The following CFAP43 variants were observed in gnomAD, a reference collection of about 807,000 sequenced individuals.
The protein encoded by CFAP43 is cilia and flagella associated protein 43.
In CFAP43, 155 loss-of-function variants were observed where a neutral mutation model predicts 218.9. The ratio of observed to expected loss-of-function variants is 0.71; its 90% CI spans 0.62 to 0.81. The LOEUF is 0.81. CFAP43 is among the 30% of genes least tolerant of loss of function. The probability of loss-of-function intolerance (pLI) is 0.00; values close to 1 mark genes in which losing one functional copy is unlikely to be tolerated. For synonymous variants in CFAP43, 645 were observed against 681.3 expected (o/e 0.95, Z 0.83); for missense variants, 1,778 against 1,954.3 (o/e 0.91, Z 1.70).
chr10:104,179,772 T>A (rs762503176), intron 18 of CFAP43, 68 bp downstream of exon 18: 1 of 1,198,674 alleles, frequency 8.3e-7, no homozygotes, highest in African/African-American at 1.5e-5. Context: ...TAGGTTTCCA[T>A]AGGAAACTAA....
intron 20 of CFAP43, among the ~76,000 whole-genome samples, chr10:104,170,154 G>A (rs2089347749): frequency 6.6e-6 from 1 of 151,720 alleles, no homozygotes; most frequent in Non-Finnish European, 1.5e-5. Context: ...GGCCACTGTT[G>A]TACCTAATCT....
intron 19 of CFAP43, among the ~76,000 whole-genome samples, chr10:104,176,456 C>T (rs1041095830): frequency 4.6e-5 from 7 of 152,060 alleles, no homozygotes; most frequent in African/African-American, 1.7e-4. Flanking sequence ...TGGATCATGC[C>T]ATAGTTTTAA....
chr10:104,150,294 C>T (rs1476922515), intron 28 of CFAP43, among the ~76,000 whole-genome samples: 1 of 152,126 alleles, frequency 6.6e-6, no homozygotes, highest in Non-Finnish European at 1.5e-5. Context: ...ATCCATACAT[C>T]CACTCCCTGC....
At chr10:104,170,829 G>T (rs2089377786) in intron 20 of CFAP43, among the ~76,000 whole-genome samples, 1 of 151,958 alleles carries the variant, frequency 6.6e-6, no homozygotes, top group Admixed American at 6.6e-5. Flanking sequence ...ATTCTTTACC[G>T]CAATATACAA....
Position 104,152,467 on chromosome 10 carries a change from C to T in CFAP43, c.3660+140G>A, listed in dbSNP as rs184484975. 1.5e-5 allele frequency: 18 copies of T among 1,174,184 alleles called. No individual in the cohort carries two copies. In the Admixed American group the frequency reaches 4.2e-4, roughly 27 times the overall value. 72.7% of individuals were successfully genotyped at this position (1,174,184 alleles called of 1,614,324 possible). On this transcript the variant is annotated intron_variant, in intron 28 of 37. Coordinates refer to ENST00000357060, the MANE Select transcript of CFAP43 (RefSeq NM_025145.7). ...TGTGGCAGGTAAAGGGGAAGGTGCA[C>T]AAGATGAGACTGGAGAGGGACGCAG...
rs1363585851 is a variant in CFAP43, at chr10:104,168,724, C to T, written c.2691+20G>A. 2 of 1,583,380 alleles carry T rather than the reference C, an allele frequency of 1.3e-6. No individual in the cohort carries two copies. The highest frequency in any genetic ancestry group is 1.7e-6 in the Non-Finnish European group (2 of 1,152,826). On this transcript the variant is annotated intron_variant, in intron 21 of 37. Transcript: ENST00000357060. ...ATGACAATTCTCATCAGGTTTTGTA[C>T]CTAGGGTTCTATCTGTTACCTTAAG... is the stretch of plus-strand genomic sequence containing the variant.
chr10:104,143,448 G>A lies in CFAP43; in HGVS notation c.4136C>T (p.Ala1379Val). ...VWNHFCMTRR[A>V]KVENEQKVKQ... Reference sequence around the variant, plus strand: ...TACTTTCTGTTCATTTTCCACTTTTGCTCGTCTTGTCATGCAGAAATGATT... The same window carrying A: ...TACTTTCTGTTCATTTTCCACTTTTACTCGTCTTGTCATGCAGAAATGATT... The change falls in exon 32 of 38, where the codon GCA (alanine) becomes GTA (valine). Residue 1379 changes from alanine to valine, a missense_variant. This residue lies in a region of CFAP43 where 1,553 missense variants were observed against 1,685.2 expected (regional missense o/e 0.92). Transcript: ENST00000357060. 2 of 1,613,944 alleles carry A rather than the reference G, an allele frequency of 1.2e-6. No individual in the cohort carries two copies. Among genetic ancestry groups the A allele is most frequent in the Non-Finnish European group, 1.7e-6 (2 of 1,179,982 alleles).
chr10:104,180,734 C>T (rs534152594), intron 17 of CFAP43, among the ~76,000 whole-genome samples: 2 of 152,090 alleles, frequency 1.3e-5, no homozygotes, highest in Non-Finnish European at 2.9e-5. Flanking sequence ...TGTGTGCCAA[C>T]CACCGTCCCC....
At chr10:104,220,949 CGTGTGTGTGTGTGTGTGTGTGTGTGTGT>C (rs68093596) in intron 3 of CFAP43, among the ~76,000 whole-genome samples, 3 of 143,580 alleles carry the variant, frequency 2.1e-5, no homozygotes, top group South Asian at 2.2e-4. Flanking sequence ...TATGAGTGAG[CGTGTGTGTGTGTGTGTGTGTGTGTGTGT>C]GTGTGTGTGT....
chr10:104,183,510 C>T (rs2089925399), intron 16 of CFAP43, among the ~76,000 whole-genome samples: 2 of 152,002 alleles, frequency 1.3e-5, no homozygotes, highest in South Asian at 2.1e-4. Flanking sequence ...CTGCCTCAGC[C>T]TCCCGAGTAG....
Position 104,212,080 on chromosome 10 carries a change from T to C in CFAP43, c.662A>G (p.Asp221Gly). The change falls in exon 5 of 38, where the codon GAT (aspartate) becomes GGT (glycine). Residue 221 changes from aspartate (D) to glycine (G), a missense_variant. Physicochemically the swap from Asp to Gly is moderately conservative, Grantham distance 94. This residue lies in a region of CFAP43 where 1,553 missense variants were observed against 1,685.2 expected (regional missense o/e 0.92). Transcript: ENST00000357060. Reference protein sequence around the residue: ...DVVFPQSLPKDLIYGPVLPLS... With the variant: ...DVVFPQSLPKGLIYGPVLPLS... ...TGGCAGCACGGGACCATAGATGAGA[T>C]CTTTCGGCAACGACTGGGGGAAAAC... 6.2e-7 allele frequency: 1 copy of C among 1,613,930 alleles called. No individual in the cohort carries two copies. The highest frequency in any genetic ancestry group is 2.2e-5 in the East Asian group (1 of 44,860).
Position 104,232,345 on chromosome 10 carries a change from G to C in CFAP43, c.-99C>G. ...CCGCGGGGCTGCGGGCCGCGACGCC[G>C]CTGCTGTGTACACCCGTATCCCGGA... On this transcript the variant is annotated 5_prime_UTR_variant, in exon 1 of 38. Coordinates refer to ENST00000357060, the MANE Select transcript of CFAP43 (RefSeq NM_025145.7). 8.0e-7 allele frequency: 1 copy of C among 1,251,316 alleles called. No homozygotes were observed. 77.5% of individuals were successfully genotyped at this position (1,251,316 alleles called of 1,614,324 possible).
chr10:104,205,403 A>G (rs2090657577), intron 7 of CFAP43, among the ~76,000 whole-genome samples: 1 of 152,098 alleles, frequency 6.6e-6, no homozygotes, highest in Non-Finnish European at 1.5e-5. Flanking sequence ...CCTTGTCTGT[A>G]AAAGGAGGAT....
chr10:104,170,300 A>ATGAATT (rs1203077031), intron 20 of CFAP43, among the ~76,000 whole-genome samples: 1 of 152,104 alleles, frequency 6.6e-6, no homozygotes, highest in Non-Finnish European at 1.5e-5. Flanking sequence ...AGGGATGAGC[A>ATGAATT]TGAATTTGGT....
Position 104,167,406 on chromosome 10 carries a change from C to T in CFAP43, c.2808+215G>A, listed in dbSNP as rs76021574. The stretch of plus-strand genomic sequence containing the variant: ...TAAGGTATATCCTCATATTTGAGGG[C>T]TAGCCAGTGTTGTATAGGATACAGG... On this transcript the variant is annotated intron_variant, in intron 22 of 37. Coordinates refer to ENST00000357060, the MANE Select transcript of CFAP43 (RefSeq NM_025145.7). Among the ~76,000 whole-genome samples, 68 of 152,204 alleles carry T rather than the reference C, an allele frequency of 4.5e-4. No individual in the cohort carries two copies. The East Asian group carries it at 0.013, about 29-fold the overall frequency.
intron 19 of CFAP43, among the ~76,000 whole-genome samples, chr10:104,174,304 TTGG>T (rs1223073519): frequency 6.6e-6 from 1 of 152,228 alleles, no homozygotes; most frequent in African/African-American, 2.4e-5. Flanking sequence ...TTCCACATGG[TTGG>T]TGAAGCCTCA....
Position 104,193,961 on chromosome 10 carries a change from C to T in CFAP43, c.1347G>A (p.Glu449=). The change falls in exon 11 of 38, where the codon GAG becomes GAA. Residue 449 remains glutamate (E), a synonymous_variant. Transcript: ENST00000357060. ...PSSLSAAVGT[E]DGSVYFISVY... is the part of the protein sequence containing the mutation. ...CGCTGATGAAGTAGACCGAGCCATC[C>T]TCCGTGCCCACGGCTGCAGAGAGGG... 6.2e-7 allele frequency: 1 copy of T among 1,614,066 alleles called. No homozygotes were observed. The highest frequency in any genetic ancestry group is 8.5e-7 in the Non-Finnish European group (1 of 1,180,028).
rs7918091 is a variant in CFAP43 at position 104,155,861 on chromosome 10, C to T, written c.3541-3135G>A. ...AGTAAGGAAATCAGTGGAACTGGAA[C>T]AGTTAATGAGGGAAAGAATGACAGG... On this transcript the variant is annotated intron_variant, in intron 27 of 37. Coordinates refer to ENST00000357060, the MANE Select transcript of CFAP43 (RefSeq NM_025145.7). 8.1e-3 allele frequency among the ~76,000 whole-genome samples: 1,214 copies of T among 149,246 alleles called. 15 individuals are homozygous for T. The highest frequency in any genetic ancestry group is 0.028 in the African/African-American group (1,131 of 40,348).
In CFAP43 at chr10:104,140,862, C is replaced by T. The variant is rs772193944; in HGVS notation, c.4411G>A (p.Asp1471Asn). 6.2e-7 allele frequency: 1 copy of T among 1,600,652 alleles called. No homozygotes were observed. The highest frequency in any genetic ancestry group is 8.5e-7 in the Non-Finnish European group (1 of 1,176,718). The change falls in exon 34 of 38, where the codon GAC (aspartate) becomes AAC (asparagine). Residue 1471 changes from aspartate to asparagine, a missense_variant. Coordinates refer to ENST00000357060, the MANE Select transcript of CFAP43 (RefSeq NM_025145.7). ...AILINKNIIE[D>N]LNSVIRTQGQ... ...ATTACCCGAATCACAGAATTCAAGT[C>T]TTCAATTATGTTCTTGTTGATGAGA...
Sources: gnomAD v4.1 joint callset for allele counts (sites outside exome capture counted in the v4.1 genomes callset) on GRCh38, gnomAD v4.1.1 for gene constraint, gnomAD v4.1.1 regional missense constraint, MANE v1.5 for transcripts, NCBI Gene and HGNC (gene_info 2026-07-23, HGNC 2026-07-21) for gene names.